Variants in PRICKLE1 observed in about 807,000 individuals in gnomAD.
The protein encoded by PRICKLE1 is prickle-like protein 1.
In PRICKLE1, 14 loss-of-function variants were observed where a neutral mutation model predicts 70.2. That is an observed-to-expected ratio of 0.20 (90% CI 0.13 to 0.31). The LOEUF (loss-of-function observed/expected upper bound fraction) is 0.31. Among genes scored for constraint, PRICKLE1 ranks in the 10% least tolerant of loss-of-function variants. The pLI, the probability that PRICKLE1 is intolerant of heterozygous loss-of-function variation, is 1.00. For missense variants in PRICKLE1, 821 were observed against 1,026.2 expected, an observed-to-expected ratio of 0.80 and a Z score of 2.73; for synonymous variants, 357 against 379.9, an observed-to-expected ratio of 0.94 and a Z score of 0.70.
At chr12:42,472,772 T>G (rs1006851673) in intron 1 of PRICKLE1, among the ~76,000 whole-genome samples, 1 of 152,184 alleles carries the variant, frequency 6.6e-6, no homozygotes, top group Non-Finnish European at 1.5e-5. Flanking sequence ...CTTTGCCAGC[T>G]CAGAATTTCA....
Position 42,459,685 on chromosome 12 carries a change from T to C in PRICKLE1, c.*124A>G. 1 of 1,118,070 alleles carries C rather than the reference T, an allele frequency of 8.9e-7. No homozygotes were observed. Among genetic ancestry groups the C allele is most frequent in the South Asian group, 1.4e-5 (1 of 73,196 alleles). The allele number at this position is 1,118,070 out of a possible 1,614,324, so 69.3% of individuals were successfully genotyped here. A position where few individuals can be genotyped will look rare whatever the true frequency, so the allele number is the denominator to read the frequency against. On this transcript the variant is annotated 3_prime_UTR_variant, in exon 8 of 8. Transcript: ENST00000345127. ...TCTGACACTGTAAACAGCAGTTGAG[T>C]TCTCATTTACATGGGCAAAGAAAGC...
intron 1 of PRICKLE1, among the ~76,000 whole-genome samples, chr12:42,559,443 C>T (rs994377560): frequency 3.3e-5 from 5 of 151,312 alleles, no homozygotes; most frequent in African/African-American, 1.2e-4. Flanking sequence ...TGCAGTGGTG[C>T]GATCATAGAT....
chr12:42,530,263 G>A (rs915284813), intron 1 of PRICKLE1, among the ~76,000 whole-genome samples: 2 of 152,002 alleles, frequency 1.3e-5, no homozygotes, highest in Non-Finnish European at 2.9e-5. Context: ...GAATTTTCAA[G>A]TTGGATTAAA....
intron 1 of PRICKLE1, chr12:42,489,657 TAAAAAAAAAA>T (rs71084661): frequency 1.5e-5 from 1 of 67,822 alleles, no homozygotes; most frequent in Admixed American, 2.1e-4. Context: ...GAGACTTCTC[TAAAAAAAAAA>T]AAAAAAAAAA....
Position 42,589,399 on chromosome 12 carries a change from C to T in PRICKLE1, c.-49+66G>A, listed in dbSNP as rs953524659. 1 of 152,306 alleles carries T rather than the reference C, an allele frequency of 6.6e-6. No homozygotes were observed. The highest frequency in any genetic ancestry group is 1.5e-5 in the Non-Finnish European group (1 of 68,168). The allele number at this position is 152,306 out of a possible 1,614,324, so 9.4% of individuals were successfully genotyped here. A position where few individuals can be genotyped will look rare whatever the true frequency, so the allele number is the denominator to read the frequency against. ...GGTGCCCGGCCCTACCCCTGCGGCG[C>T]TCGCCCCCCACCACCGCGCCGCAGC... is the stretch of plus-strand genomic sequence containing the variant. On this transcript the variant is annotated intron_variant, in intron 1 of 7. Coordinates refer to ENST00000345127, the MANE Select transcript of PRICKLE1 (RefSeq NM_153026.3). This position sits in a 1 kb window ranked among gnomAD's most constrained non-coding sequence, Gnocchi z 5.0.
intron 1 of PRICKLE1, among the ~76,000 whole-genome samples, chr12:42,484,735 G>T (rs1200376220): frequency 6.6e-6 from 1 of 152,138 alleles, no homozygotes; most frequent in Non-Finnish European, 1.5e-5. Context: ...CTATTTGTAG[G>T]TACACTGAGA....
At chr12:42,561,653 AG>A (rs1333740925) in intron 1 of PRICKLE1, among the ~76,000 whole-genome samples, 1 of 152,186 alleles carries the variant, frequency 6.6e-6, no homozygotes, top group Non-Finnish European at 1.5e-5. Context: ...ACTTTTTCAG[AG>A]TAGACAATGA....
At chr12:42,477,478 GTGTGTATATATATATATA>G (rs1334493931) in intron 1 of PRICKLE1, among the ~76,000 whole-genome samples, 3 of 50,046 alleles carry the variant, frequency 6.0e-5, no homozygotes, top group Admixed American at 2.8e-4. Flanking sequence ...GTGTGTGTGT[GTGTGTATATATATATATA>G]TATATATATA....
At chr12:42,490,185 C>T (rs764863789) in intron 1 of PRICKLE1, among the ~76,000 whole-genome samples, 1 of 152,136 alleles carries the variant, frequency 6.6e-6, no homozygotes, top group Non-Finnish European at 1.5e-5. Context: ...AATATTGATA[C>T]GTCAATTCGG....
chr12:42,541,793 G>T (rs1940120960), intron 1 of PRICKLE1, among the ~76,000 whole-genome samples: 1 of 152,182 alleles, frequency 6.6e-6, no homozygotes, highest in Non-Finnish European at 1.5e-5. Context: ...AGAAGTGCTT[G>T]TTCCCTACAT....
intron 7 of PRICKLE1, 155 bp from the exon 8 acceptor site, chr12:42,460,820 A>G (rs1389714921): frequency 7.5e-6 from 6 of 797,820 alleles, no homozygotes; most frequent in African/African-American, 1.7e-5. Context: ...ATCTATGCCA[A>G]TTGAGAAGTG....
chr12:42,584,748 G>A (rs1940958625), intron 1 of PRICKLE1, among the ~76,000 whole-genome samples: 1 of 152,176 alleles, frequency 6.6e-6, no homozygotes, highest in Non-Finnish European at 1.5e-5. Context: ...CAAAGTCAAA[G>A]ACCATAATTG....
chr12:42,549,414 A>C (rs914690078), intron 1 of PRICKLE1, among the ~76,000 whole-genome samples: 1 of 152,150 alleles, frequency 6.6e-6, no homozygotes, highest in African/African-American at 2.4e-5. Flanking sequence ...ATCTTGACAT[A>C]GTTTCAGGAG....
intron 1 of PRICKLE1, among the ~76,000 whole-genome samples, chr12:42,491,704 AGTAT>A (rs1939107478): frequency 6.6e-6 from 1 of 151,882 alleles, no homozygotes; most frequent in Non-Finnish European, 1.5e-5. Context: ...TTGGAAAGCT[AGTAT>A]GTTAAATGAG....
At chr12:42,483,337 G>C (rs1439191863) in intron 1 of PRICKLE1, 1 of 151,738 alleles carries the variant, frequency 6.6e-6, no homozygotes, top group East Asian at 2.0e-4. Context: ...CCCGCCGCCG[G>C]CTGCCATCCA....
At chr12:42,493,061 A>G (rs1217541343) in intron 1 of PRICKLE1, among the ~76,000 whole-genome samples, 3 of 151,944 alleles carry the variant, frequency 2.0e-5, no homozygotes, top group Non-Finnish European at 4.4e-5. Flanking sequence ...TTTTATTTGG[A>G]TTTTTAAAAG....
intron 1 of PRICKLE1, among the ~76,000 whole-genome samples, chr12:42,581,861 T>C (rs1189310232): frequency 6.6e-6 from 1 of 152,148 alleles, no homozygotes; most frequent in African/African-American, 2.4e-5. Context: ...GCTTCCTGCC[T>C]AAACAGCCAA....
chr12:42,571,878 CCTTTT>C (rs1474082658), intron 1 of PRICKLE1, among the ~76,000 whole-genome samples: 2 of 152,142 alleles, frequency 1.3e-5, no homozygotes, highest in African/African-American at 2.4e-5. Flanking sequence ...CTTTCACTTT[CCTTTT>C]CTTTTCCTTT....
At chr12:42,509,216 C>T (rs1250758431) in intron 1 of PRICKLE1, among the ~76,000 whole-genome samples, 1 of 152,194 alleles carries the variant, frequency 6.6e-6, no homozygotes, top group Admixed American at 6.5e-5. Flanking sequence ...AGTGCTAAGG[C>T]ATTTACCCTA....
Sources: gnomAD v4.1 joint callset for allele counts (sites outside exome capture counted in the v4.1 genomes callset) on GRCh38, gnomAD v4.1.1 for gene constraint, Gnocchi (gnomAD v3.1) non-coding constraint, MANE v1.5 for transcripts, NCBI Gene and HGNC (gene_info 2026-07-23, HGNC 2026-07-21) for gene names.